RYR2: variants seen among roughly 807,000 people sequenced by gnomAD.
The protein encoded by RYR2 is cardiac muscle ryanodine receptor-calcium release channel.
Under a neutral mutation model 601.1 loss-of-function variants are expected in RYR2, and 227 were observed. That is an observed-to-expected ratio of 0.38 (90% CI 0.34 to 0.42). The LOEUF (loss-of-function observed/expected upper bound fraction) is 0.42, where lower values mean the gene tolerates loss of function less well. Among genes scored for constraint, RYR2 ranks in the 10% least tolerant of loss-of-function variants. RYR2 has a pLI of 1.00. For synonymous variants in RYR2, 2,223 were observed against 2,175.1 expected, an observed-to-expected ratio of 1.02 and a Z score of -0.61; for missense variants, 4,646 against 6,156.5, an observed-to-expected ratio of 0.75 and a Z score of 8.21.
intron 1 of RYR2, among the ~76,000 whole-genome samples, chr1:237,125,635 A>G (rs34815086): frequency 0.14 from 20,781 of 152,188 alleles, 1,493 homozygotes; most frequent in South Asian, 0.22. Context: ...AAGTTCCTCA[A>G]ATGCGTTCTA....
rs1558733902 is a variant in RYR2, at chr1:237,388,133, G to A, written c.723G>A (p.Met241Ile). The A allele has an allele frequency of 6.2e-7, 1 of 1,613,958 alleles. No individual in the cohort carries two copies. The highest frequency in any genetic ancestry group is 8.5e-7 in the Non-Finnish European group (1 of 1,179,884). ...GDVLRLLHGH[M>I]DECLTVPSGE... ...TCCTCAGGTTGCTGCATGGACACAT[G>A]GACGAGTGTCTCACTGTCCCTTCAG... The change falls in exon 10 of 105, where the codon ATG (methionine) becomes ATA (isoleucine). Residue 241 changes from methionine to isoleucine, a missense_variant. Met to Ile is a conservative substitution (Grantham distance 10, BLOSUM62 1). Transcript: ENST00000366574.
chr1:237,476,251 T>G (rs778696642), intron 17 of RYR2, among the ~76,000 whole-genome samples: 7 of 152,144 alleles, frequency 4.6e-5, no homozygotes, highest in African/African-American at 1.7e-4. Context: ...GGCTCATGCC[T>G]GTAATCCCAG....
At chr1:237,130,549 TA>T (rs1355566158) in intron 1 of RYR2, among the ~76,000 whole-genome samples, 3 of 152,028 alleles carry the variant, frequency 2.0e-5, no homozygotes, top group African/African-American at 7.2e-5. Context: ...CCATCTTTAC[TA>T]AAAATACAAA....
At chr1:237,253,058 G>C (rs1177015943) in intron 1 of RYR2, among the ~76,000 whole-genome samples, 1 of 151,386 alleles carries the variant, frequency 6.6e-6, no homozygotes, top group African/African-American at 2.4e-5. Flanking sequence ...CCAGATACTC[G>C]GGAGGCTGAG....
At chr1:237,198,575 G>A (rs1376115983) in intron 1 of RYR2, among the ~76,000 whole-genome samples, 1 of 151,612 alleles carries the variant, frequency 6.6e-6, no homozygotes, top group African/African-American at 2.4e-5. Flanking sequence ...TTTTCACTCT[G>A]AGAAATGTTG....
Position 237,784,359 on chromosome 1 carries a change from C to T in RYR2, c.12647C>T (p.Ala4216Val), listed in dbSNP as rs375950722. ...ISESDLNERS[A>V]NKEESEKERP... ...GAGTCGGACTTGAACGAGAGGTCAG[C>T]GAATAAGGAAGAAAGCGAGAAGGAG... Residue 4216 changes from alanine to valine, a missense_variant, in exon 90 of 105, where the codon GCG (alanine) becomes GTG (valine). Transcript: ENST00000366574. The surrounding 1 kb of genome is among the most constrained non-coding windows in gnomAD (Gnocchi z 7.1). 3 of 1,613,456 alleles carry T rather than the reference C, an allele frequency of 1.9e-6. No individual in the cohort carries two copies. Among genetic ancestry groups the T allele is most frequent in the African/African-American group, 2.7e-5 (2 of 74,776 alleles).
At chr1:237,320,162 T>C (rs1213512383) in intron 2 of RYR2, among the ~76,000 whole-genome samples, 1 of 152,212 alleles carries the variant, frequency 6.6e-6, no homozygotes, top group Non-Finnish European at 1.5e-5. Flanking sequence ...GAAAGTGTTA[T>C]TTTTGTCAAT....
intron 63 of RYR2, among the ~76,000 whole-genome samples, chr1:237,694,246 A>T (rs1288121987): frequency 6.6e-6 from 1 of 150,736 alleles, no homozygotes; most frequent in East Asian, 2.0e-4. Flanking sequence ...GTGAGCCGAG[A>T]TCATGCCAGT....
At chr1:237,132,396 C>G (rs1672260134) in intron 1 of RYR2, among the ~76,000 whole-genome samples, 1 of 152,206 alleles carries the variant, frequency 6.6e-6, no homozygotes, top group Non-Finnish European at 1.5e-5. Context: ...GAGCCAGCAG[C>G]TTAGGTGCTC....
intron 2 of RYR2, among the ~76,000 whole-genome samples, chr1:237,274,019 A>G (rs997325171): frequency 6.9e-6 from 1 of 144,992 alleles, no homozygotes; most frequent in Admixed American, 6.9e-5. Context: ...AGAAATACAT[A>G]TATATTTTAT....
chr1:237,187,821 T>G (rs61832394), intron 1 of RYR2, among the ~76,000 whole-genome samples: 145,624 of 151,970 alleles, frequency 0.96, 69,933 homozygotes, highest in Non-Finnish European at 0.99. Flanking sequence ...TGTCCAGAGA[T>G]TATTTGAGAT....
At chr1:237,242,248 C>A (rs967872500) in intron 1 of RYR2, among the ~76,000 whole-genome samples, 3 of 150,694 alleles carry the variant, frequency 2.0e-5, no homozygotes, top group Non-Finnish European at 2.9e-5. Context: ...GCAATAAAAT[C>A]ACATGTGAAA....
chr1:237,109,220 GTATTT>G (rs1286042606), intron 1 of RYR2, among the ~76,000 whole-genome samples: 15 of 151,202 alleles, frequency 9.9e-5, no homozygotes, highest in Non-Finnish European at 1.6e-4. Flanking sequence ...TAAAATATAT[GTATTT>G]TATTTTGAAA....
At chr1:237,731,891 T>TACATACAC (rs1553303581) in intron 77 of RYR2, among the ~76,000 whole-genome samples, 155 bp from the exon 78 acceptor site, 2 of 147,298 alleles carry the variant, frequency 1.4e-5, no homozygotes, top group Non-Finnish European at 3.0e-5. Flanking sequence ...GCATATAAAA[T>TACATACAC]ACACACACAC....
At chr1:237,549,687 C>T (rs1368808428) in intron 26 of RYR2, among the ~76,000 whole-genome samples, 1 of 136,904 alleles carries the variant, frequency 7.3e-6, no homozygotes, top group African/African-American at 2.7e-5. Flanking sequence ...GGAACATCCA[C>T]AGCCTCCCAA....
At chr1:237,720,128 T>A (rs1046781495) in intron 73 of RYR2, among the ~76,000 whole-genome samples, 8 of 152,236 alleles carry the variant, frequency 5.3e-5, no homozygotes, top group African/African-American at 1.9e-4. Context: ...GAATAAATTA[T>A]TCATTTGTTT....
intron 59 of RYR2, 79 bp from the exon 60 acceptor site, chr1:237,674,652 T>C (rs1685241246): frequency 5.5e-6 from 4 of 731,292 alleles, no homozygotes; most frequent in Admixed American, 2.0e-5. Context: ...TATACACATA[T>C]ATATATACAC....
At chr1:237,233,969 G>A (rs2149201969) in intron 1 of RYR2, among the ~76,000 whole-genome samples, 1 of 152,230 alleles carries the variant, frequency 6.6e-6, no homozygotes, top group East Asian at 1.9e-4. Context: ...TGGGATTACA[G>A]GTGTGAGCCA....
intron 1 of RYR2, among the ~76,000 whole-genome samples, chr1:237,193,823 A>G (rs1460739240): frequency 1.3e-5 from 2 of 152,220 alleles, no homozygotes; most frequent in Non-Finnish European, 2.9e-5. Flanking sequence ...CAAGACTTTG[A>G]CCAGATTCCA....
Sources: allele counts gnomAD v4.1 joint callset (sites outside exome capture counted in the v4.1 genomes callset), GRCh38; gene constraint gnomAD v4.1.1; non-coding constraint Gnocchi (gnomAD v3.1); transcripts MANE v1.5; gene names NCBI Gene and HGNC (gene_info 2026-07-23, HGNC 2026-07-21).